Variants in DCAF6 observed in about 807,000 individuals in gnomAD.
The protein encoded by DCAF6 is DDB1- and CUL4-associated factor 6.
Under a neutral mutation model 125.1 loss-of-function variants are expected in DCAF6, and 54 were observed. The ratio of observed to expected loss-of-function variants is 0.43; its 90% CI spans 0.35 to 0.54. DCAF6 has a LOEUF of 0.54. Among genes scored for constraint, DCAF6 ranks in the 20% least tolerant of loss-of-function variants. The pLI is 0.01. For synonymous variants in DCAF6, 371 were observed against 390.4 expected, an observed-to-expected ratio of 0.95 and a Z score of 0.58; for missense variants, 934 against 1,161.7, an observed-to-expected ratio of 0.80 and a Z score of 2.85.
chr1:167,882,387 A>C, the DCAF6 span, among the ~76,000 whole-genome samples: 9 of 150,540 alleles, frequency 6.0e-5, no homozygotes, highest in African/African-American at 2.0e-4. Context: ...CAGGAGGCTG[A>C]GTCAAGAGAA....
chr1:167,946,568 T>G (rs980685063), intron 1 of DCAF6, among the ~76,000 whole-genome samples: 1 of 152,212 alleles, frequency 6.6e-6, no homozygotes, highest in Non-Finnish European at 1.5e-5. Flanking sequence ...TACTAAGGGT[T>G]TTTCTTATGA....
At chr1:168,049,812 C>T (rs1385900503) in intron 16 of DCAF6, among the ~76,000 whole-genome samples, 1 of 151,056 alleles carries the variant, frequency 6.6e-6, no homozygotes, top group African/African-American at 2.4e-5. Flanking sequence ...CCTGCCACCA[C>T]GCCCAGCTAA....
chr1:167,886,397 A>T, the DCAF6 span, among the ~76,000 whole-genome samples: 3 of 152,176 alleles, frequency 2.0e-5, no homozygotes, highest in Non-Finnish European at 4.4e-5. Context: ...AATACCACAC[A>T]TCTACAACCA....
At chr1:168,035,990 A>T (rs868574612) in intron 12 of DCAF6, among the ~76,000 whole-genome samples, 20 of 152,276 alleles carry the variant, frequency 1.3e-4, no homozygotes, top group Middle Eastern at 6.8e-3. Flanking sequence ...GGAACCCGGG[A>T]GGCGGAGCTT....
intron 1 of DCAF6, 59 bp from the exon 2 acceptor site, chr1:167,951,741 T>C: frequency 1.8e-6 from 2 of 1,100,950 alleles, no homozygotes; most frequent in South Asian, 2.6e-5. Flanking sequence ...CTAATTTCTG[T>C]GTTATATTTT....
At chr1:167,890,494 A>G in the DCAF6 span, among the ~76,000 whole-genome samples, 285 of 152,318 alleles carry the variant, frequency 1.9e-3, 2 homozygotes, top group Non-Finnish European at 3.5e-3. Context: ...CTGAGACTGC[A>G]CTGGGTCAGA....
chr1:167,891,039 G>C, the DCAF6 span, among the ~76,000 whole-genome samples: 1 of 152,028 alleles, frequency 6.6e-6, no homozygotes, highest in South Asian at 2.1e-4. Flanking sequence ...TCGGCTCACT[G>C]CAACCTCCGC....
intron 10 of DCAF6, among the ~76,000 whole-genome samples, chr1:168,005,354 C>T (rs1683197874): frequency 6.6e-6 from 1 of 151,976 alleles, no homozygotes; most frequent in Non-Finnish European, 1.5e-5. Context: ...ATACTTGATG[C>T]TAGTGAAAAT....
chr1:167,880,077 T>C, the DCAF6 span: 2 of 1,574,260 alleles, frequency 1.3e-6, no homozygotes, highest in African/African-American at 2.7e-5. Context: ...GTGCTGTGTT[T>C]GCAGAAAGAA....
chr1:167,872,224 G>A, the DCAF6 span, among the ~76,000 whole-genome samples: 1 of 152,052 alleles, frequency 6.6e-6, no homozygotes, highest in Non-Finnish European at 1.5e-5. Flanking sequence ...TGTAATCCCA[G>A]CTACTCAGGA....
At chr1:167,932,365 G>A (rs951197002), upstream of DCAF6, among the ~76,000 whole-genome samples, 17 of 152,014 alleles carry the variant, frequency 1.1e-4, no homozygotes, top group Non-Finnish European at 1.9e-4. Context: ...AACAGTAAAC[G>A]TTACTGGAAG....
chr1:167,997,844 CT>C (rs915638053), intron 7 of DCAF6, among the ~76,000 whole-genome samples: 35 of 151,938 alleles, frequency 2.3e-4, no homozygotes, highest in Admixed American at 8.5e-4. Flanking sequence ...ATATATAATA[CT>C]TTTTTTTCCC....
the DCAF6 span, among the ~76,000 whole-genome samples, chr1:167,915,198 C>A: frequency 1.3e-5 from 2 of 152,180 alleles, no homozygotes; most frequent in South Asian, 4.1e-4. Flanking sequence ...GAGGAAACAG[C>A]AGCACTGACA....
intron 17 of DCAF6, among the ~76,000 whole-genome samples, chr1:168,062,720 G>A (rs1233936016): frequency 6.6e-6 from 1 of 151,926 alleles, no homozygotes; most frequent in African/African-American, 2.4e-5. Flanking sequence ...TAAGTAATAT[G>A]TGTTAGGAGA....
intron 2 of DCAF6, among the ~76,000 whole-genome samples, chr1:167,964,227 T>A (rs1226420636): frequency 6.6e-6 from 1 of 152,236 alleles, no homozygotes. Context: ...TCTTGCAAAG[T>A]AGGTCTGCTG....
In DCAF6 at chr1:168,015,790, G is replaced by T; in HGVS notation, c.1388G>T (p.Arg463Met). The T allele has an allele frequency of 6.8e-7, 1 of 1,480,186 alleles. No homozygotes were observed. Among genetic ancestry groups the T allele is most frequent in the Non-Finnish European group, 9.0e-7 (1 of 1,111,778 alleles). The allele number at this position is 1,480,186 out of a possible 1,614,324, so 91.7% of individuals were successfully genotyped here. ...TTCCTATTTGTGTCAGAATTTTTAA[G>T]GGGCCCTGAGATAGCTTTGCTTCGT... Reference protein sequence around the residue: ...HHTHHQSEFLRGPEIALLRKR... With the variant: ...HHTHHQSEFLMGPEIALLRKR... The change falls in exon 11 of 22, where the codon AGG becomes ATG. Residue 463 changes from arginine (R) to methionine (M), a missense_variant. Physicochemically the swap from Arg to Met is moderately conservative, Grantham distance 91. This residue lies in a region of DCAF6 where 559 missense variants were observed against 635.5 expected (regional missense o/e 0.88). Coordinates refer to ENST00000367840, the MANE Select transcript of DCAF6 (RefSeq NM_001198956.2).
intron 7 of DCAF6, 90 bp downstream of exon 7, chr1:167,993,530 A>G: frequency 9.4e-7 from 1 of 1,062,594 alleles, no homozygotes; most frequent in Non-Finnish European, 1.4e-6. Context: ...TGGGTGGATC[A>G]CCTGCGGTTG....
At chr1:167,918,188 T>C in the DCAF6 span, 23 of 617,880 alleles carry the variant, frequency 3.7e-5, no homozygotes, top group African/African-American at 3.6e-4. Context: ...CATTTTTCTA[T>C]TGAATCAAGA....
chr1:167,952,807 A>G (rs1411258565), intron 2 of DCAF6, among the ~76,000 whole-genome samples: 1 of 152,164 alleles, frequency 6.6e-6, no homozygotes, highest in Non-Finnish European at 1.5e-5. Context: ...GTCCAGTTGC[A>G]TGTCTAATAG....
Sources: allele counts gnomAD v4.1 joint callset (sites outside exome capture counted in the v4.1 genomes callset), GRCh38; gene constraint gnomAD v4.1.1; regional missense constraint gnomAD v4.1.1; transcripts MANE v1.5; gene names NCBI Gene and HGNC (gene_info 2026-07-23, HGNC 2026-07-21).